The following SORCS2 variants were observed in gnomAD, a reference collection of about 807,000 sequenced individuals.
The protein encoded by SORCS2 is VPS10 domain-containing receptor SorCS2.
Under a neutral mutation model 141.6 loss-of-function variants are expected in SORCS2, and 100 were observed. The observed-to-expected ratio is 0.71, with a 90% CI of 0.60 to 0.83. The LOEUF is 0.83. Ranked by LOEUF, SORCS2 falls within the 40% of genes least tolerant of loss-of-function variation. The probability of loss-of-function intolerance (pLI) is 0.00; values close to 1 mark genes in which losing one functional copy is unlikely to be tolerated. For missense variants in SORCS2, 1,646 were observed against 1,560.2 expected (o/e 1.05, Z -0.93); for synonymous variants, 789 against 676.9 (o/e 1.17, Z -2.57).
chr4:7,543,899 T>TCCAC (rs1560373692), intron 3 of SORCS2, among the ~76,000 whole-genome samples: 2 of 17,822 alleles, frequency 1.1e-4, no homozygotes, highest in African/African-American at 3.2e-4. Flanking sequence ...CACCCATCCA[T>TCCAC]CCATCCACCC....
intron 11 of SORCS2, among the ~76,000 whole-genome samples, chr4:7,689,954 A>AATGGATGGATG (rs1246469186): frequency 6.6e-6 from 1 of 152,088 alleles, no homozygotes; most frequent in African/African-American, 2.4e-5. Flanking sequence ...TGGACAGATC[A>AATGGATGGATG]ATGGATGGAT....
At chr4:7,429,896 T>C (rs752929768) in intron 2 of SORCS2, among the ~76,000 whole-genome samples, 4 of 152,166 alleles carry the variant, frequency 2.6e-5, no homozygotes, top group African/African-American at 4.8e-5. Context: ...ATAGTCCCTG[T>C]CTCACGGTGA....
chr4:7,376,527 A>C (rs182852268), intron 1 of SORCS2, among the ~76,000 whole-genome samples: 1,604 of 152,332 alleles, frequency 0.011, 9 homozygotes, highest in Non-Finnish European at 0.016. Context: ...CAATGAGCCA[A>C]GATTGCGCCA....
intron 16 of SORCS2, among the ~76,000 whole-genome samples, chr4:7,714,868 C>T (rs1312178750): frequency 6.6e-6 from 1 of 152,056 alleles, no homozygotes; most frequent in Non-Finnish European, 1.5e-5. Context: ...TGGTGCTGCT[C>T]AGGCTGGGCC....
rs575180243 is a variant in SORCS2 at position 7,199,290 on chromosome 4, G to A, written c.480+6164G>A. Among the ~76,000 whole-genome samples, 12 of 152,318 alleles carry A rather than the reference G, an allele frequency of 7.9e-5. No homozygotes were observed. The East Asian group carries it at 2.1e-3, about 27-fold the overall frequency. On this transcript the variant is annotated intron_variant, in intron 1 of 26. Transcript: ENST00000507866. Reference sequence around the variant, plus strand: ...CCCAGGGATGCAATTCAGGAGGAGCGAAGTGGGGCCGGTGTGGAGGCACAG... The same window carrying A: ...CCCAGGGATGCAATTCAGGAGGAGCAAAGTGGGGCCGGTGTGGAGGCACAG...
chr4:7,715,438 G>C, intron 17 of SORCS2, 127 bp downstream of exon 17: 1 of 1,403,076 alleles, frequency 7.1e-7, no homozygotes, highest in Non-Finnish European at 9.6e-7. Flanking sequence ...GGAAAGAGAG[G>C]TCAAAGTTGA....
intron 2 of SORCS2, among the ~76,000 whole-genome samples, chr4:7,517,094 A>G (rs191269072): frequency 1.3e-5 from 2 of 152,202 alleles, no homozygotes; most frequent in Admixed American, 1.3e-4. Context: ...CATCGCCATG[A>G]TTACTACTAC....
intron 1 of SORCS2, among the ~76,000 whole-genome samples, chr4:7,212,302 C>T (rs985036495): frequency 2.0e-5 from 3 of 152,148 alleles, no homozygotes; most frequent in Admixed American, 6.5e-5. Flanking sequence ...TACTGGAGGG[C>T]GGGGAACACG....
intron 1 of SORCS2, among the ~76,000 whole-genome samples, chr4:7,369,611 A>C (rs896456903): frequency 3.9e-5 from 6 of 152,158 alleles, no homozygotes; most frequent in Non-Finnish European, 7.4e-5. Flanking sequence ...TGGAGTGCTC[A>C]GTCTGGGAAG....
At chr4:7,713,481 A>T (rs771917082) in intron 15 of SORCS2, among the ~76,000 whole-genome samples, 6 of 152,144 alleles carry the variant, frequency 3.9e-5, no homozygotes, top group Non-Finnish European at 8.8e-5. Flanking sequence ...CAAGACCATC[A>T]CGGTGGGTAC....
intron 8 of SORCS2, among the ~76,000 whole-genome samples, chr4:7,672,403 G>A (rs1722854826): frequency 6.6e-6 from 1 of 152,202 alleles, no homozygotes; most frequent in Admixed American, 6.5e-5. Flanking sequence ...GAAAGAATTT[G>A]ATGAAGGTGT....
At chr4:7,519,831 C>T (rs1045207714) in intron 2 of SORCS2, among the ~76,000 whole-genome samples, 10 of 151,386 alleles carry the variant, frequency 6.6e-5, no homozygotes, top group South Asian at 4.1e-4. Context: ...GGGCTTCTGC[C>T]GTGCTAGAGC....
chr4:7,654,154 G>T lies in SORCS2; in HGVS notation c.834G>T (p.Leu278Phe). ...TAAAGCTCTACGTGTCATCTGACTT[G>T]GGGAAAAAGTGGACACTTCTGCAAG... ...KESKLYVSSD[L>F]GKKWTLLQER... Residue 278 changes from leucine (L) to phenylalanine (F), a missense_variant, in exon 5 of 27, where the codon TTG (leucine) becomes TTT (phenylalanine). By Grantham distance (22) the Leu-to-Phe change is conservative. Coordinates refer to ENST00000507866, the MANE Select transcript of SORCS2 (RefSeq NM_020777.3). The T allele has an allele frequency of 1.3e-6, 2 of 1,581,840 alleles. No individual in the cohort carries two copies. The highest frequency in any genetic ancestry group is 2.3e-5 in the East Asian group (1 of 43,360).
intron 2 of SORCS2, among the ~76,000 whole-genome samples, chr4:7,479,765 T>C (rs1201797419): frequency 1.3e-5 from 2 of 152,266 alleles, no homozygotes; most frequent in Non-Finnish European, 2.9e-5. Flanking sequence ...ACAGATGCTC[T>C]GCAAATGAAT....
intron 1 of SORCS2, among the ~76,000 whole-genome samples, chr4:7,232,809 C>A (rs1246927093): frequency 3.9e-5 from 6 of 152,194 alleles, no homozygotes; most frequent in African/African-American, 1.4e-4. Context: ...GCCCAGGGCA[C>A]CCGGTTCAAT....
intron 1 of SORCS2, among the ~76,000 whole-genome samples, chr4:7,217,671 C>T (rs976330296): frequency 6.6e-6 from 1 of 152,138 alleles, no homozygotes; most frequent in Non-Finnish European, 1.5e-5. Flanking sequence ...ACAGCTGGGG[C>T]CTTCGGCTCT....
At chr4:7,239,119 A>G (rs1417612223) in intron 1 of SORCS2, among the ~76,000 whole-genome samples, 1 of 151,998 alleles carries the variant, frequency 6.6e-6, no homozygotes, top group Admixed American at 6.5e-5. Context: ...GGCTCCTTCA[A>G]AGTCCCTGTC....
chr4:7,708,587 C>G lies in SORCS2; in HGVS notation c.1869-4146C>G, dbSNP rs569604494. On this transcript the variant is annotated intron_variant, in intron 14 of 26. Coordinates refer to ENST00000507866, the MANE Select transcript of SORCS2 (RefSeq NM_020777.3). ...AGTGAGCCCCTTCCCCTCCCACAGTCTGGGGGGCGTCTTCCCCTTCCTGGA... is the reference window on the plus strand; with the variant it reads ...AGTGAGCCCCTTCCCCTCCCACAGTGTGGGGGGCGTCTTCCCCTTCCTGGA... Among the ~76,000 whole-genome samples the G allele has an allele frequency of 1.6e-4, 24 of 152,332 alleles. 1 individual carries two copies. The East Asian group carries it at 4.4e-3, about 28-fold the overall frequency.
Position 7,193,051 on chromosome 4 carries a change from C to A in SORCS2, c.405C>A (p.Ile135=). The A allele has an allele frequency of 6.5e-7, 1 of 1,541,590 alleles. No individual in the cohort carries two copies. The highest frequency in any genetic ancestry group is 1.2e-5 in the South Asian group (1 of 84,772). ...GVASRAQVSL[I]STSFVLKGDA... is the part of the protein sequence containing the mutation. ...CTTCGCGGGCGCAGGTCTCGCTCAT[C>A]AGCACGTCGTTCGTGCTCAAGGGGG... Residue 135 remains isoleucine, a synonymous_variant, in exon 1 of 27, where the codon ATC becomes ATA. Transcript: ENST00000507866. The surrounding 1 kb of genome is among the most constrained non-coding windows in gnomAD (Gnocchi z 4.8).
Sources: gnomAD v4.1 joint callset for allele counts (sites outside exome capture counted in the v4.1 genomes callset) on GRCh38, gnomAD v4.1.1 for gene constraint, Gnocchi (gnomAD v3.1) non-coding constraint, MANE v1.5 for transcripts, NCBI Gene and HGNC (gene_info 2026-07-23, HGNC 2026-07-21) for gene names.